TENM2: variants seen among roughly 807,000 people sequenced by gnomAD.
The protein encoded by TENM2 is teneurin-2.
Under a neutral mutation model 245.2 loss-of-function variants are expected in TENM2, and 52 were observed. That is an observed-to-expected ratio of 0.21 (90% CI 0.17 to 0.27). The LOEUF (loss-of-function observed/expected upper bound fraction) is 0.27. Among genes scored for constraint, TENM2 ranks in the 10% least tolerant of loss-of-function variants. The probability of loss-of-function intolerance (pLI) is 1.00; values close to 1 mark genes in which losing one functional copy is unlikely to be tolerated. For synonymous variants in TENM2, 1,363 were observed against 1,438.9 expected (o/e 0.95, Z 1.19); for missense variants, 3,046 against 3,666.8 (o/e 0.83, Z 4.37).
At chr5:167,456,466 C>G (rs1006742025) in intron 2 of TENM2, among the ~76,000 whole-genome samples, 4 of 152,084 alleles carry the variant, frequency 2.6e-5, no homozygotes, top group Non-Finnish European at 5.9e-5. Flanking sequence ...TTTCTTGTTG[C>G]TATGAATACA....
chr5:167,557,473 A>C (rs568271676), intron 2 of TENM2, among the ~76,000 whole-genome samples: 1 of 152,342 alleles, frequency 6.6e-6, no homozygotes, highest in African/African-American at 2.4e-5. Flanking sequence ...TCATTCATAA[A>C]ATGGGAATAA....
chr5:167,957,817 G>C (rs1780680651), intron 4 of TENM2, among the ~76,000 whole-genome samples: 1 of 152,178 alleles, frequency 6.6e-6, no homozygotes, highest in Non-Finnish European at 1.5e-5. Context: ...GTTCTAATTT[G>C]ATTGCACTGT....
In TENM2 at chr5:168,238,198, G is replaced by A. The variant is rs1340237791; in HGVS notation, c.5521-6222G>A. Among the ~76,000 whole-genome samples the A allele has an allele frequency of 4.3e-4, 27 of 62,854 alleles. 2 individuals carry two copies. The highest frequency in any genetic ancestry group is 1.8e-3 in the African/African-American group (26 of 14,460). 41.2% of individuals were successfully genotyped at this position (62,854 alleles called of 152,430 possible). On this transcript the variant is annotated intron_variant, in intron 25 of 28. Transcript: ENST00000518659. The stretch of plus-strand genomic sequence containing the variant: ...GAGAGAGAGAGAGGGAGGGAGGGAG[G>A]GAGGGAGGGAGGGAGGGAGAGAGAA...
intron 2 of TENM2, among the ~76,000 whole-genome samples, chr5:167,732,325 T>C (rs1760494161): frequency 6.6e-6 from 1 of 152,134 alleles, no homozygotes; most frequent in Admixed American, 6.6e-5. Flanking sequence ...AGGGAGAAAA[T>C]GTGTCCCTTG....
At chr5:167,819,756 C>A (rs1010126100) in intron 2 of TENM2, among the ~76,000 whole-genome samples, 1 of 152,158 alleles carries the variant, frequency 6.6e-6, no homozygotes, top group Non-Finnish European at 1.5e-5. Context: ...ACTTGGAGAA[C>A]TGTTCATTTT....
intron 2 of TENM2, among the ~76,000 whole-genome samples, chr5:167,756,997 T>C (rs1448402130): frequency 6.6e-6 from 1 of 152,080 alleles, no homozygotes; most frequent in African/African-American, 2.4e-5. Flanking sequence ...TTTCCAAATA[T>C]GCTTGGCAGT....
chr5:167,046,228 C>T, the TENM2 span, among the ~76,000 whole-genome samples: 1 of 152,118 alleles, frequency 6.6e-6, no homozygotes, highest in South Asian at 2.1e-4. Context: ...TGCCCATACC[C>T]ACTCACACAA....
In TENM2 at chr5:167,467,460, A is replaced by C. The variant is rs532211347; in HGVS notation, c.502+91987A>C. On this transcript the variant is annotated intron_variant, in intron 2 of 28. Transcript: ENST00000518659. ...GGACTAATATACTCACCTTAGGTAA[A>C]ATAAAATTTACAATAACAAATGAAG... Among the ~76,000 whole-genome samples, 448 of 152,112 alleles carry C rather than the reference A, an allele frequency of 2.9e-3. 1 individual carries two copies. Among genetic ancestry groups the C allele is most frequent in the African/African-American group, 0.01 (429 of 41,482 alleles).
chr5:167,774,202 A>AAGGGAGGGAGGG (rs1162159998), intron 2 of TENM2, among the ~76,000 whole-genome samples: 1 of 69,988 alleles, frequency 1.4e-5, no homozygotes, highest in Non-Finnish European at 3.1e-5. Context: ...GGGAAGGAGG[A>AAGGGAGGGAGGG]AGGGAGGGAG....
intron 2 of TENM2, among the ~76,000 whole-genome samples, chr5:167,619,245 G>A (rs1263557665): frequency 6.6e-6 from 1 of 152,108 alleles, no homozygotes; most frequent in Non-Finnish European, 1.5e-5. Flanking sequence ...GTAACAATGT[G>A]AAAAGACATG....
At chr5:167,771,134 A>ACT (rs144373096) in intron 2 of TENM2, among the ~76,000 whole-genome samples, 161 of 149,072 alleles carry the variant, frequency 1.1e-3, no homozygotes, top group African/African-American at 1.4e-3. Flanking sequence ...TCAATCGGTC[A>ACT]CTCTCTCTCT....
At chr5:167,254,786 A>C in the TENM2 span, among the ~76,000 whole-genome samples, 8 of 152,104 alleles carry the variant, frequency 5.3e-5, no homozygotes, top group South Asian at 2.1e-4. Flanking sequence ...GTGACTTGAC[A>C]CCTGAATGGC....
intron 2 of TENM2, among the ~76,000 whole-genome samples, chr5:167,840,617 A>G (rs1769418880): frequency 6.6e-6 from 1 of 152,058 alleles, no homozygotes; most frequent in Non-Finnish European, 1.5e-5. Flanking sequence ...TTAAACCTCC[A>G]AGCAGTGCCT....
chr5:167,654,384 C>A (rs1754694071), intron 2 of TENM2, among the ~76,000 whole-genome samples: 1 of 152,150 alleles, frequency 6.6e-6, no homozygotes, highest in Non-Finnish European at 1.5e-5. Context: ...GCCAAGTCTG[C>A]ACTTAGCAGT....
At chr5:167,779,431 G>C (rs1434525793) in intron 2 of TENM2, among the ~76,000 whole-genome samples, 5 of 152,200 alleles carry the variant, frequency 3.3e-5, no homozygotes, top group Non-Finnish European at 7.3e-5. Flanking sequence ...ATGGGGTTAG[G>C]TGAGAGGAGT....
intron 27 of TENM2, among the ~76,000 whole-genome samples, chr5:168,257,290 G>A (rs1181962503): frequency 6.6e-6 from 1 of 152,090 alleles, no homozygotes; most frequent in Non-Finnish European, 1.5e-5. Context: ...ATGGGGGGTG[G>A]CAGTTGGGGT....
At chr5:167,147,286 C>G in the TENM2 span, among the ~76,000 whole-genome samples, 1 of 152,174 alleles carries the variant, frequency 6.6e-6, no homozygotes, top group East Asian at 1.9e-4. Flanking sequence ...ATCACCATTG[C>G]ATTCATCATC....
At chr5:167,342,792 G>T (rs1171279820) in intron 1 of TENM2, among the ~76,000 whole-genome samples, 1 of 151,432 alleles carries the variant, frequency 6.6e-6, no homozygotes, top group Non-Finnish European at 1.5e-5. Flanking sequence ...CTCCCAAAGT[G>T]CTGGGATTAC....
intron 12 of TENM2, among the ~76,000 whole-genome samples, chr5:168,154,146 T>TAAAAAAAAAAAAAAAAAAAAAAAAAAA (rs1562223601): frequency 1.3e-5 from 1 of 75,752 alleles, no homozygotes; most frequent in African/African-American, 6.0e-5. Context: ...ATCACCTACT[T>TAAAAAAAAAAAAAAAAAAAAAAAAAAA]TAAAAAAAAA....
Sources: gnomAD v4.1 joint callset for allele counts (sites outside exome capture counted in the v4.1 genomes callset) on GRCh38, gnomAD v4.1.1 for gene constraint, MANE v1.5 for transcripts, NCBI Gene and HGNC (gene_info 2026-07-23, HGNC 2026-07-21) for gene names.